The following ZNF415 variants were observed in gnomAD, a reference collection of about 807,000 sequenced individuals.
The protein encoded by ZNF415 is zinc finger protein 415.
Under a neutral mutation model 7.3 loss-of-function variants are expected in ZNF415, and 5 were observed. The observed-to-expected ratio is 0.69, with a 90% CI of 0.36 to 1.44. The LOEUF (loss-of-function observed/expected upper bound fraction) is 1.44. ZNF415 is among the 40% of genes most tolerant of loss of function. ZNF415 has a pLI of 0.04. For missense variants in ZNF415, 628 were observed against 664.8 expected, an observed-to-expected ratio of 0.94 and a Z score of 0.61; for synonymous variants, 207 against 226.3, an observed-to-expected ratio of 0.91 and a Z score of 0.77.
chr19:53,109,085 T>C lies in ZNF415; in HGVS notation c.960A>G (p.Lys320=). ...TGTAAGGTTTCTCTCCAATATGAGT[T>C]TTCTGATGTAGTGCAAGGCATGAAT... The part of the protein sequence containing the change: ...SRNSCLALHQ[K]THIGEKPYTC... Residue 320 remains lysine, a synonymous_variant, in exon 4 of 4, where the codon AAA becomes AAG. Transcript: ENST00000243643. 1 of 1,612,472 alleles carries C rather than the reference T, an allele frequency of 6.2e-7. No homozygotes were observed. Among genetic ancestry groups the C allele is most frequent in the Non-Finnish European group, 8.5e-7 (1 of 1,178,680 alleles).
chr19:53,112,584 T>A (rs1237978709), intron 3 of ZNF415, among the ~76,000 whole-genome samples: 1 of 152,082 alleles, frequency 6.6e-6, no homozygotes, highest in Admixed American at 6.5e-5. Flanking sequence ...GAGAGTAGTG[T>A]GGAGGGTGAG....
intron 3 of ZNF415, among the ~76,000 whole-genome samples, chr19:53,110,536 G>T (rs925123437): frequency 5.9e-5 from 9 of 152,044 alleles, no homozygotes; most frequent in African/African-American, 2.2e-4. Flanking sequence ...AGTGATGCAT[G>T]TCAGTTATAT....
chr19:53,130,726 A>G (rs2089958045), intron 1 of ZNF415, among the ~76,000 whole-genome samples: 2 of 151,966 alleles, frequency 1.3e-5, no homozygotes, highest in African/African-American at 4.8e-5. Context: ...GGCTCACTGC[A>G]ACCTCCGCCT....
At chr19:53,124,425 T>C (rs1156515303) in intron 1 of ZNF415, 1 of 150,760 alleles carries the variant, frequency 6.6e-6, no homozygotes, top group Non-Finnish European at 1.5e-5. Context: ...GTCAGGCTTT[T>C]TGACAACCAG....
chr19:53,122,725 G>A lies in ZNF415; in HGVS notation c.-49C>T. 1 of 1,613,646 alleles carries A rather than the reference G, an allele frequency of 6.2e-7. No individual in the cohort carries two copies. The highest frequency in any genetic ancestry group is 1.3e-5 in the African/African-American group (1 of 74,968). On this transcript the variant is annotated 5_prime_UTR_variant, in exon 2 of 4. Coordinates refer to ENST00000243643, the MANE Select transcript of ZNF415 (RefSeq NM_018355.4). ...TCTGGGTTTCTTCCTCATGTGCCAGGAGTCTTTGGAAGTCAATGCTGAATA... is the reference window on the plus strand; with the variant it reads ...TCTGGGTTTCTTCCTCATGTGCCAGAAGTCTTTGGAAGTCAATGCTGAATA...
intron 3 of ZNF415, among the ~76,000 whole-genome samples, chr19:53,112,101 C>T (rs547321394): frequency 8.6e-4 from 131 of 152,168 alleles, no homozygotes; most frequent in Middle Eastern, 6.8e-3. Context: ...GCCACCATGC[C>T]CGGCTACTTT....
intron 1 of ZNF415, chr19:53,123,464 T>C: frequency 5.0e-6 from 2 of 398,514 alleles, no homozygotes; most frequent in Non-Finnish European, 8.8e-6. Context: ...GAAGGTGATA[T>C]TGGAACCGAG....
At chr19:53,116,038 G>A (rs1185491915) in intron 3 of ZNF415, 2 of 613,430 alleles carry the variant, frequency 3.3e-6, no homozygotes, top group Non-Finnish European at 2.8e-6. Context: ...CAAAGCACAG[G>A]GGCAGAAAAC....
Position 53,108,748 on chromosome 19 carries a change from C to T in ZNF415, c.1297G>A (p.Val433Ile). The change falls in exon 4 of 4, where the codon GTT becomes ATT. Residue 433 changes from valine to isoleucine, a missense_variant. Physicochemically the swap from Val to Ile is conservative, Grantham distance 29. Transcript: ENST00000243643. ...TTGTAAGGTTTCTCTCCAGTATGAA[C>T]TCTCCGATGACTCGCAAGGTGTGAA... The part of the protein sequence containing the change: ...YNSHLASHRR[V>I]HTGEKPYKCN... 1.2e-6 allele frequency: 2 copies of T among 1,614,096 alleles called. No homozygotes were observed. Among genetic ancestry groups the T allele is most frequent in the Middle Eastern group, 1.6e-4 (1 of 6,062 alleles).
chr19:53,116,512 G>A lies in ZNF415; in HGVS notation c.16-79C>T, dbSNP rs558578380. 3.2e-6 allele frequency: 5 copies of A among 1,571,016 alleles called. No homozygotes were observed. In the African/African-American group the frequency reaches 5.4e-5, roughly 17 times the overall value. On this transcript the variant is annotated intron_variant, in intron 2 of 3. Coordinates refer to ENST00000243643, the MANE Select transcript of ZNF415 (RefSeq NM_018355.4). The stretch of plus-strand genomic sequence containing the variant: ...ATCTTCACACAAAATAAGAATAAAA[G>A]AGAATTTAAGTATAGATTTAATTGA...
chr19:53,108,320 G>A lies in ZNF415; in HGVS notation c.*57C>T. The A allele has an allele frequency of 6.7e-7, 1 of 1,482,302 alleles. No individual in the cohort carries two copies. Among genetic ancestry groups the A allele is most frequent in the Non-Finnish European group, 9.1e-7 (1 of 1,100,814 alleles). The allele number at this position is 1,482,302 out of a possible 1,614,324, so 91.8% of individuals were successfully genotyped here. ...TATTATACTTGTATGGTTTCTCTCTGATATAAATTCTTTGATGACTCACAG... is the reference window on the plus strand; with the variant it reads ...TATTATACTTGTATGGTTTCTCTCTAATATAAATTCTTTGATGACTCACAG... On this transcript the variant is annotated 3_prime_UTR_variant, in exon 4 of 4. Coordinates refer to ENST00000243643, the MANE Select transcript of ZNF415 (RefSeq NM_018355.4).
intron 1 of ZNF415, among the ~76,000 whole-genome samples, chr19:53,130,231 G>C (rs751098359): frequency 3.3e-5 from 5 of 152,090 alleles, no homozygotes; most frequent in Non-Finnish European, 7.4e-5. Context: ...TAATAGACTA[G>C]TTAAACTAGG....
In ZNF415 at chr19:53,108,330, C is replaced by A. The variant is rs750039414; in HGVS notation, c.*47G>T. The A allele has an allele frequency of 1.3e-6, 2 of 1,522,360 alleles. No individual in the cohort carries two copies. Among genetic ancestry groups the A allele is most frequent in the East Asian group, 2.3e-5 (1 of 44,352 alleles). 94.3% of individuals were successfully genotyped at this position (1,522,360 alleles called of 1,614,324 possible). A position where few individuals can be genotyped will look rare whatever the true frequency, so the allele number is the denominator to read the frequency against. On this transcript the variant is annotated 3_prime_UTR_variant, in exon 4 of 4. Coordinates refer to ENST00000243643, the MANE Select transcript of ZNF415 (RefSeq NM_018355.4). ...GTATGGTTTCTCTCTGATATAAATT[C>A]TTTGATGACTCACAGGATTTAAACT...
chr19:53,111,432 T>A (rs2086232588), intron 3 of ZNF415, among the ~76,000 whole-genome samples: 1 of 150,252 alleles, frequency 6.7e-6, no homozygotes, highest in Non-Finnish European at 1.5e-5. Flanking sequence ...AACCTCTGCT[T>A]CCTGGGTTCA....
At chr19:53,122,469 T>A (rs1003260348) in intron 2 of ZNF415, 193 bp downstream of exon 2, 1 of 1,549,716 alleles carries the variant, frequency 6.5e-7, no homozygotes, top group African/African-American at 1.4e-5. Context: ...TCTTCAGAAG[T>A]TCATGTCACA....
chr19:53,130,031 C>G (rs1335998014), intron 1 of ZNF415, among the ~76,000 whole-genome samples: 1 of 148,686 alleles, frequency 6.7e-6, no homozygotes, highest in Non-Finnish European at 1.5e-5. Flanking sequence ...CACCACTGTA[C>G]TCCAGCCTGG....
rs1189728509 is a variant in ZNF415 at position 53,113,482 on chromosome 19, G to C, written c.136+2831C>G. On this transcript the variant is annotated intron_variant, in intron 3 of 3. Transcript: ENST00000243643. ...AGATCGCGCCACTGCACTCCAGCCTGGGCGACAGAGCGAAACTCCGTCTCA... is the reference window on the plus strand; with the variant it reads ...AGATCGCGCCACTGCACTCCAGCCTCGGCGACAGAGCGAAACTCCGTCTCA... Among the ~76,000 whole-genome samples, 2 of 23,010 alleles carry C rather than the reference G, an allele frequency of 8.7e-5. 1 individual carries two copies. Among genetic ancestry groups the C allele is most frequent in the Non-Finnish European group, 1.6e-4 (2 of 12,552 alleles). 15.1% of individuals were successfully genotyped at this position (23,010 alleles called of 152,430 possible).
intron 3 of ZNF415, among the ~76,000 whole-genome samples, chr19:53,110,363 A>C (rs1041284596): frequency 1.3e-5 from 2 of 152,204 alleles, no homozygotes; most frequent in East Asian, 3.8e-4. Context: ...AACTTACGGA[A>C]TAAGTAAGAT....
intron 2 of ZNF415, among the ~76,000 whole-genome samples, chr19:53,117,631 A>G (rs1568569269): frequency 6.6e-6 from 1 of 152,170 alleles, no homozygotes. Flanking sequence ...TACTATACTC[A>G]GCAAAATTAT....
Sources: gnomAD v4.1 joint callset for allele counts (sites outside exome capture counted in the v4.1 genomes callset) on GRCh38, gnomAD v4.1.1 for gene constraint, MANE v1.5 for transcripts, NCBI Gene and HGNC (gene_info 2026-07-23, HGNC 2026-07-21) for gene names.